The following RIC1 variants were observed in gnomAD, a reference collection of about 807,000 sequenced individuals.
The protein encoded by RIC1 is guanine nucleotide exchange factor subunit RIC1.
Under a neutral mutation model 169.0 loss-of-function variants are expected in RIC1, and 88 were observed. That is an observed-to-expected ratio of 0.52 (90% CI 0.44 to 0.62). The LOEUF is 0.62. Among genes scored for constraint, RIC1 ranks in the 20% least tolerant of loss-of-function variants. RIC1 has a pLI of 0.00. For missense variants in RIC1, 1,877 were observed against 1,725.5 expected (o/e 1.09, Z -1.56); for synonymous variants, 790 against 601.5 (o/e 1.31, Z -4.59).
chr9:5,629,229 C>T lies in RIC1; in HGVS notation c.-81C>T. 1 of 1,254,014 alleles carries T rather than the reference C, an allele frequency of 8.0e-7. No homozygotes were observed. Among genetic ancestry groups the T allele is most frequent in the Non-Finnish European group, 1.0e-6 (1 of 990,838 alleles). The allele number at this position is 1,254,014 out of a possible 1,614,324, so 77.7% of individuals were successfully genotyped here. A position where few individuals can be genotyped will look rare whatever the true frequency, so the allele number is the denominator to read the frequency against. ...CCGCCGCCGCCGACTCGGCCGGTGG[C>T]GGTGTGGGAGGTGGGCGACCAGCCC... On this transcript the variant is annotated 5_prime_UTR_variant, in exon 1 of 26. Transcript: ENST00000414202.
intron 2 of RIC1, among the ~76,000 whole-genome samples, chr9:5,657,771 A>C (rs1009454470): frequency 6.6e-6 from 1 of 152,140 alleles, no homozygotes; most frequent in Non-Finnish European, 1.5e-5. Flanking sequence ...CATGTACCAA[A>C]TATGCCCTGG....
intron 6 of RIC1, among the ~76,000 whole-genome samples, chr9:5,723,437 C>T (rs980273583): frequency 1.4e-4 from 21 of 152,052 alleles, no homozygotes; most frequent in African/African-American, 4.8e-4. Flanking sequence ...TGTTTAAGTT[C>T]TTTGTAGTTT....
In RIC1 at chr9:5,751,240, TGTGA is replaced by T. The variant is rs540778326; in HGVS notation, c.1453-1955_1453-1952del. Among the ~76,000 whole-genome samples, 446 of 151,952 alleles carry T rather than the reference TGTGA, an allele frequency of 2.9e-3. 14 individuals are homozygous for T. The highest frequency in any genetic ancestry group is 0.01 in the African/African-American group (422 of 41,210). On this transcript the variant is annotated intron_variant, in intron 12 of 25. Transcript: ENST00000414202. ...GTTATACTCAGGTACATCCTCCTGC[TGTGA>T]GTGACTGCTGAAAAAAGTTGAAAAT...
At chr9:5,760,981 G>C (rs1339929165) in intron 17 of RIC1, among the ~76,000 whole-genome samples, 1 of 151,876 alleles carries the variant, frequency 6.6e-6, no homozygotes, top group Non-Finnish European at 1.5e-5. Flanking sequence ...AGCATGTATA[G>C]CATTGTGCTT....
chr9:5,672,983 G>A (rs1173110750), intron 2 of RIC1, among the ~76,000 whole-genome samples: 1 of 151,994 alleles, frequency 6.6e-6, no homozygotes, highest in East Asian at 1.9e-4. Context: ...GTTAAGTAAC[G>A]GTATGTTCGG....
At chr9:5,681,987 C>T (rs868704806) in intron 2 of RIC1, among the ~76,000 whole-genome samples, 46 of 152,140 alleles carry the variant, frequency 3.0e-4, no homozygotes, top group African/African-American at 1.1e-3. Flanking sequence ...CAACCCCTGC[C>T]TTTTTTTGTT....
At chr9:5,672,068 G>C (rs933613558) in intron 2 of RIC1, among the ~76,000 whole-genome samples, 5 of 152,184 alleles carry the variant, frequency 3.3e-5, no homozygotes, top group African/African-American at 1.2e-4. Flanking sequence ...GTCTGAGGAA[G>C]CCGGCCCTTC....
chr9:5,763,940 T>C lies in RIC1; in HGVS notation c.2841+72T>C. ...CTTAGAAAAATAGAAATGTCCTGTT[T>C]TGACACCATGATTGTGTTTAAGGAA... On this transcript the variant is annotated intron_variant, in intron 19 of 25. Coordinates refer to ENST00000414202, the MANE Select transcript of RIC1 (RefSeq NM_020829.4). This position sits in a 1 kb window ranked among gnomAD's most constrained non-coding sequence, Gnocchi z 5.2. 2.0e-6 allele frequency: 3 copies of C among 1,472,068 alleles called. No individual in the cohort carries two copies. The highest frequency in any genetic ancestry group is 2.7e-6 in the Non-Finnish European group (3 of 1,093,498). 91.2% of individuals were successfully genotyped at this position (1,472,068 alleles called of 1,614,324 possible).
chr9:5,635,717 C>G (rs555197984), intron 1 of RIC1, among the ~76,000 whole-genome samples: 2 of 152,266 alleles, frequency 1.3e-5, no homozygotes, highest in Middle Eastern at 3.4e-3. Flanking sequence ...TAGATCATAG[C>G]GGGAGTTTTC....
At chr9:5,648,442 G>A (rs895695543) in intron 1 of RIC1, among the ~76,000 whole-genome samples, 1 of 152,166 alleles carries the variant, frequency 6.6e-6, no homozygotes, top group Non-Finnish European at 1.5e-5. Context: ...CACTTAGGTT[G>A]ATTCCATATC....
At chr9:5,640,494 T>C (rs1235626402) in intron 1 of RIC1, among the ~76,000 whole-genome samples, 1 of 152,208 alleles carries the variant, frequency 6.6e-6, no homozygotes, top group African/African-American at 2.4e-5. Context: ...TTGTCGTTAT[T>C]CTTTATTGGT....
intron 1 of RIC1, among the ~76,000 whole-genome samples, chr9:5,632,641 C>G (rs751770584): frequency 6.6e-6 from 1 of 152,038 alleles, no homozygotes; most frequent in Non-Finnish European, 1.5e-5. Flanking sequence ...AGAGGTAGAA[C>G]TTGACTGGGG....
At position 5,747,523 on chromosome 9, in the gene RIC1, G is replaced by A. The variant is rs535571171; in HGVS notation, c.1452+18G>A. 50 of 1,576,004 alleles carry A rather than the reference G, an allele frequency of 3.2e-5. No homozygotes were observed. The highest frequency in any genetic ancestry group is 1.7e-4 in the Middle Eastern group (1 of 5,984). ...TTGTACAGGTAAATCTTTAGTTACTGATTACTAGAGACTTATTCTTTGATA... is the reference window on the plus strand; with the variant it reads ...TTGTACAGGTAAATCTTTAGTTACTAATTACTAGAGACTTATTCTTTGATA... On this transcript the variant is annotated intron_variant, in intron 12 of 25. Transcript: ENST00000414202.
chr9:5,769,677 G>A, intron 22 of RIC1: 1 of 257,250 alleles, frequency 3.9e-6, no homozygotes, highest in Non-Finnish European at 7.3e-6. Flanking sequence ...TGTATATTTT[G>A]GTGAAATAAA....
chr9:5,648,356 AT>A (rs1410965285), intron 1 of RIC1, among the ~76,000 whole-genome samples: 1 of 152,006 alleles, frequency 6.6e-6, no homozygotes, highest in African/African-American at 2.4e-5. Flanking sequence ...TTTTTTGAGT[AT>A]TTTTAGCATG....
At chr9:5,747,638 C>G in intron 12 of RIC1, 133 bp downstream of exon 12, 2 of 765,810 alleles carry the variant, frequency 2.6e-6, no homozygotes, top group Non-Finnish European at 4.3e-6. Flanking sequence ...TGTCCCTCTT[C>G]TGCTTTTCTG....
intron 6 of RIC1, among the ~76,000 whole-genome samples, chr9:5,726,441 G>A (rs1486120518): frequency 6.6e-6 from 1 of 152,086 alleles, no homozygotes; most frequent in African/African-American, 2.4e-5. Context: ...TTGAGCCTAT[G>A]TGTGTCTCTG....
rs143529585 is a variant in RIC1, at chr9:5,702,361, A to G, written c.333-11535A>G. ...AAGAAAAGAGGTTTAATTGGTTCAC[A>G]GTTCCGCAGGCTATACAGGAAGAAT... is the stretch of plus-strand genomic sequence containing the variant. On this transcript the variant is annotated intron_variant, in intron 3 of 25. Transcript: ENST00000414202. 6.6e-3 allele frequency among the ~76,000 whole-genome samples: 1,005 copies of G among 152,324 alleles called. 13 individuals are homozygous for G. Among genetic ancestry groups the G allele is most frequent in the African/African-American group, 0.015 (624 of 41,568 alleles).
At chr9:5,724,749 G>A (rs978169650) in intron 6 of RIC1, among the ~76,000 whole-genome samples, 3 of 152,266 alleles carry the variant, frequency 2.0e-5, no homozygotes, top group Non-Finnish European at 4.4e-5. Flanking sequence ...CTAGTTTATT[G>A]AGACTTTTTA....
Sources: allele counts gnomAD v4.1 joint callset (sites outside exome capture counted in the v4.1 genomes callset), GRCh38; gene constraint gnomAD v4.1.1; non-coding constraint Gnocchi (gnomAD v3.1); transcripts MANE v1.5; gene names NCBI Gene and HGNC (gene_info 2026-07-23, HGNC 2026-07-21).